Variants in WWOX observed in about 807,000 individuals in gnomAD.
The protein encoded by WWOX is WW domain-containing oxidoreductase.
A neutral mutation model predicts 46.2 loss-of-function variants in WWOX; 69 were observed. That is an observed-to-expected ratio of 1.49 (90% CI 1.23 to 1.82). The LOEUF (loss-of-function observed/expected upper bound fraction) is 1.82. Ranked by LOEUF, WWOX falls within the 40% of genes most tolerant of loss-of-function variation. WWOX has a pLI of 0.00. For missense variants in WWOX, 919 were observed against 542.6 expected (o/e 1.69, Z -6.89); for synonymous variants, 359 against 202.6 (o/e 1.77, Z -6.56).
At chr16:78,750,922 CTT>C (rs1482949511) in intron 8 of WWOX, among the ~76,000 whole-genome samples, 4 of 152,038 alleles carry the variant, frequency 2.6e-5, no homozygotes, top group African/African-American at 9.7e-5. Flanking sequence ...GATTCCATGT[CTT>C]TGCTGTTGTG....
chr16:78,343,398 CTCAA>C (rs1470568528), intron 5 of WWOX, among the ~76,000 whole-genome samples: 1 of 121,146 alleles, frequency 8.3e-6, no homozygotes, highest in Admixed American at 8.0e-5. Context: ...TTTCCATATT[CTCAA>C]TCAATCACTG....
intron 8 of WWOX, among the ~76,000 whole-genome samples, chr16:79,086,387 G>A (rs1048135316): frequency 3.3e-5 from 5 of 152,322 alleles, no homozygotes; most frequent in African/African-American, 9.6e-5. Flanking sequence ...ATGAGAAAGC[G>A]TGTCTTCTGG....
chr16:78,423,474 G>T (rs930575529), intron 6 of WWOX, among the ~76,000 whole-genome samples: 1 of 152,168 alleles, frequency 6.6e-6, no homozygotes, highest in African/African-American at 2.4e-5. Context: ...TTGTTGTATA[G>T]TTCTTATTGG....
intron 2 of WWOX, among the ~76,000 whole-genome samples, chr16:78,108,874 G>C (rs1004623311): frequency 5.9e-5 from 9 of 152,178 alleles, no homozygotes; most frequent in East Asian, 1.9e-4. Flanking sequence ...TGTAATTCCA[G>C]CTACTTTGGA....
intron 5 of WWOX, among the ~76,000 whole-genome samples, chr16:78,356,868 T>G (rs1471648541): frequency 2.0e-5 from 3 of 151,762 alleles, no homozygotes; most frequent in Non-Finnish European, 4.4e-5. Flanking sequence ...GCAGACAGAG[T>G]GAGACTCCAT....
intron 8 of WWOX, among the ~76,000 whole-genome samples, chr16:78,911,209 C>A (rs1211125333): frequency 6.6e-6 from 1 of 151,880 alleles, no homozygotes; most frequent in Non-Finnish European, 1.5e-5. Context: ...CAAAAAGGAT[C>A]TTTGATTTAA....
At chr16:78,606,040 A>G (rs1567431365) in intron 8 of WWOX, among the ~76,000 whole-genome samples, 1 of 152,220 alleles carries the variant, frequency 6.6e-6, no homozygotes, top group Non-Finnish European at 1.5e-5. Context: ...GTTAGGAGAC[A>G]CATTCTGCTA....
chr16:78,857,783 G>A lies in WWOX; in HGVS notation c.1057-353825G>A, dbSNP rs1283426047. Reference sequence around the variant, plus strand: ...TTCCAAAAAGTTTTCCTTTACAGGAGAAAAGAACATCTGCTGTTTATAGGA... The same window carrying A: ...TTCCAAAAAGTTTTCCTTTACAGGAAAAAAGAACATCTGCTGTTTATAGGA... On this transcript the variant is annotated intron_variant, in intron 8 of 8. Transcript: ENST00000566780. Among the ~76,000 whole-genome samples the A allele has an allele frequency of 3.9e-5, 6 of 152,284 alleles. No homozygotes were observed. In the East Asian group the frequency reaches 9.6e-4, roughly 24 times the overall value.
intron 5 of WWOX, chr16:78,278,550 T>A: frequency 6.5e-7 from 1 of 1,544,976 alleles, no homozygotes; most frequent in Middle Eastern, 1.7e-4. Context: ...AACAGTTCTA[T>A]GTTGTTCTCA....
intron 8 of WWOX, among the ~76,000 whole-genome samples, chr16:78,522,158 A>C (rs893150379): frequency 6.6e-6 from 1 of 151,858 alleles, no homozygotes; most frequent in Non-Finnish European, 1.5e-5. Context: ...AAAAAAAAAA[A>C]AAACTTCAGA....
intron 8 of WWOX, among the ~76,000 whole-genome samples, chr16:78,513,339 G>C (rs2085409991): frequency 6.6e-6 from 1 of 152,196 alleles, no homozygotes; most frequent in African/African-American, 2.4e-5. Flanking sequence ...GGCAACATTT[G>C]ATAAAAGATG....
chr16:78,980,753 T>C (rs1210517355), intron 8 of WWOX, among the ~76,000 whole-genome samples: 3 of 152,210 alleles, frequency 2.0e-5, no homozygotes, highest in Non-Finnish European at 2.9e-5. Flanking sequence ...ACTACCTTTC[T>C]TACTTTTTGA....
intron 8 of WWOX, among the ~76,000 whole-genome samples, chr16:78,531,470 C>A (rs545379354): frequency 5.1e-4 from 77 of 152,154 alleles, no homozygotes; most frequent in East Asian, 3.5e-3. Context: ...TTATGTCATA[C>A]CAAAAATTAT....
intron 8 of WWOX, among the ~76,000 whole-genome samples, chr16:78,717,930 C>A (rs1038652042): frequency 2.0e-5 from 3 of 152,102 alleles, no homozygotes; most frequent in African/African-American, 7.2e-5. Flanking sequence ...CACCAAGTGT[C>A]TTATTGTAAA....
At chr16:78,646,227 C>G (rs1488132808) in intron 8 of WWOX, among the ~76,000 whole-genome samples, 2 of 152,066 alleles carry the variant, frequency 1.3e-5, no homozygotes, top group Admixed American at 6.5e-5. Flanking sequence ...TGCTCTATTG[C>G]CAGGCTGATC....
chr16:78,875,280 A>T (rs1033977916), intron 8 of WWOX, among the ~76,000 whole-genome samples: 15 of 152,132 alleles, frequency 9.9e-5, no homozygotes, highest in Non-Finnish European at 1.9e-4. Flanking sequence ...ATCAAGTAAT[A>T]GGTTTCTGTT....
chr16:79,165,053 A>G (rs1293311981), intron 8 of WWOX, among the ~76,000 whole-genome samples: 5 of 151,996 alleles, frequency 3.3e-5, no homozygotes, highest in South Asian at 2.1e-4. Flanking sequence ...TGGGAGGACC[A>G]TAGTTGTTTC....
chr16:78,497,280 G>C (rs2084940585), intron 8 of WWOX, among the ~76,000 whole-genome samples: 2 of 152,122 alleles, frequency 1.3e-5, no homozygotes, highest in South Asian at 4.1e-4. Context: ...TTCAGAATTT[G>C]TTCTTTTCTT....
rs140974157 is a variant in WWOX at position 79,192,038 on chromosome 16, G to A, written c.1057-19570G>A. Reference sequence around the variant, plus strand: ...CTGACCAGGAATCTGGGGCATTCGCGTTAGAGACAATTTTCTTCTCCTCAA... The same window carrying A: ...CTGACCAGGAATCTGGGGCATTCGCATTAGAGACAATTTTCTTCTCCTCAA... On this transcript the variant is annotated intron_variant, in intron 8 of 8. Transcript: ENST00000566780. Among the ~76,000 whole-genome samples the A allele has an allele frequency of 1.6e-4, 24 of 152,318 alleles. No homozygotes were observed. In the East Asian group the frequency reaches 3.1e-3, roughly 20 times the overall value.
Sources: gnomAD v4.1 joint callset for allele counts (sites outside exome capture counted in the v4.1 genomes callset) on GRCh38, gnomAD v4.1.1 for gene constraint, MANE v1.5 for transcripts, NCBI Gene and HGNC (gene_info 2026-07-23, HGNC 2026-07-21) for gene names.